Variants in OSBPL10 observed in about 807,000 individuals in gnomAD.
The protein encoded by OSBPL10 is oxysterol binding protein like 10.
In OSBPL10, 49 loss-of-function variants were observed where a neutral mutation model predicts 81.7. That is an observed-to-expected ratio of 0.60 (90% confidence interval 0.48 to 0.76). The LOEUF (loss-of-function observed/expected upper bound fraction) is 0.76, where lower values mean the gene tolerates loss of function less well. Among genes scored for constraint, OSBPL10 ranks in the 30% least tolerant of loss-of-function variants. The probability of loss-of-function intolerance (pLI) is 0.00; values close to 1 mark genes in which losing one functional copy is unlikely to be tolerated. For synonymous variants in OSBPL10, 419 were observed against 383.6 expected (o/e 1.09, Z -1.08); for missense variants, 923 against 987.8 (o/e 0.93, Z 0.88).
intron 3 of OSBPL10, among the ~76,000 whole-genome samples, chr3:31,840,089 G>A (rs1042671925): frequency 5.3e-5 from 8 of 151,304 alleles, no homozygotes; most frequent in Non-Finnish European, 1.2e-4. Context: ...ACGTCTCATT[G>A]TAATCGACCC....
At chr3:31,683,555 A>C in intron 8 of OSBPL10, 79 bp downstream of exon 8, 1 of 1,520,970 alleles carries the variant, frequency 6.6e-7, no homozygotes, top group South Asian at 1.3e-5. Flanking sequence ...AAAACTCCAC[A>C]CACAAAATTA....
chr3:32,044,508 A>T (rs1402002567), intron 2 of OSBPL10, among the ~76,000 whole-genome samples: 1 of 151,334 alleles, frequency 6.6e-6, no homozygotes, highest in African/African-American at 2.4e-5. Flanking sequence ...TTGGGAGGCC[A>T]AGGCGGGCAG....
At chr3:32,060,991 C>T (rs62244429) in intron 1 of OSBPL10, among the ~76,000 whole-genome samples, 46,188 of 79,188 alleles carry the variant, frequency 0.58, 19,584 homozygotes, top group East Asian at 0.84. Flanking sequence ...AAAAAAAAAC[C>T]CTCAGAGGAC....
At chr3:31,921,295 T>C (rs1344217099) in intron 1 of OSBPL10, among the ~76,000 whole-genome samples, 2 of 152,202 alleles carry the variant, frequency 1.3e-5, no homozygotes, top group Non-Finnish European at 2.9e-5. Context: ...TGGCAACAAG[T>C]ATACCTAGTG....
At chr3:31,845,356 A>G (rs1700602889) in intron 3 of OSBPL10, among the ~76,000 whole-genome samples, 1 of 152,052 alleles carries the variant, frequency 6.6e-6, no homozygotes, top group Non-Finnish European at 1.5e-5. Flanking sequence ...CTGGACAAAA[A>G]CTGAGAGATA....
At chr3:31,787,010 T>C (rs1052524791) in intron 4 of OSBPL10, among the ~76,000 whole-genome samples, 1 of 152,190 alleles carries the variant, frequency 6.6e-6, no homozygotes, top group Non-Finnish European at 1.5e-5. Flanking sequence ...GAACATTATC[T>C]GTTTGCCAGG....
In OSBPL10 at chr3:31,799,858, A is replaced by C. The variant is rs139362945; in HGVS notation, c.729+30182T>G. Among the ~76,000 whole-genome samples the C allele has an allele frequency of 7.5e-3, 1,140 of 152,254 alleles. 8 individuals are homozygous for C. Among genetic ancestry groups the C allele is most frequent in the Non-Finnish European group, 0.011 (760 of 68,008 alleles). On this transcript the variant is annotated intron_variant, in intron 4 of 11. Transcript: ENST00000396556. ...TCCTGAGCTGGGACTACAGGCGCCC[A>C]CCACCATACCCGGCTAATTTTTGTA...
intron 4 of OSBPL10, among the ~76,000 whole-genome samples, chr3:31,823,766 A>G (rs1470297303): frequency 1.3e-5 from 2 of 152,170 alleles, no homozygotes; most frequent in Non-Finnish European, 2.9e-5. Flanking sequence ...GTTATATTAC[A>G]GCACATCTCC....
intron 6 of OSBPL10, among the ~76,000 whole-genome samples, chr3:31,729,696 G>A (rs923560270): frequency 4.6e-5 from 7 of 152,306 alleles, no homozygotes; most frequent in South Asian, 4.1e-4. Flanking sequence ...TGGGATTACC[G>A]GCATGAGCCA....
At position 31,714,253 on chromosome 3, in the gene OSBPL10, G is replaced by A. The variant is rs184319371; in HGVS notation, c.1096-11745C>T. Reference sequence around the variant, plus strand: ...ATACACGTAAGGCTCTGTGTTAGGCGCAGAGGAGGATTACAATCAGTGCAG... The same window carrying A: ...ATACACGTAAGGCTCTGTGTTAGGCACAGAGGAGGATTACAATCAGTGCAG... On this transcript the variant is annotated intron_variant, in intron 6 of 11. Transcript: ENST00000396556. Among the ~76,000 whole-genome samples, 22 of 152,320 alleles carry A rather than the reference G, an allele frequency of 1.4e-4. No individual in the cohort carries two copies. In the East Asian group the frequency reaches 1.9e-3, roughly 13 times the overall value.
At chr3:32,024,432 A>T (rs1699384741) in intron 2 of OSBPL10, among the ~76,000 whole-genome samples, 1 of 142,442 alleles carries the variant, frequency 7.0e-6, no homozygotes, top group African/African-American at 2.6e-5. Context: ...ACTTTTGATC[A>T]TTTTTTCCTA....
At chr3:32,016,644 C>T (rs890075986) in intron 2 of OSBPL10, among the ~76,000 whole-genome samples, 3 of 152,050 alleles carry the variant, frequency 2.0e-5, no homozygotes, top group African/African-American at 7.2e-5. Flanking sequence ...AGCTTTATAT[C>T]GATGTTCTCT....
chr3:32,051,697 G>A (rs1442998622), intron 1 of OSBPL10, among the ~76,000 whole-genome samples: 1 of 152,006 alleles, frequency 6.6e-6, no homozygotes, highest in African/African-American at 2.4e-5. Flanking sequence ...TTCTTGAATG[G>A]TTCCACCCTG....
intron 1 of OSBPL10, among the ~76,000 whole-genome samples, chr3:31,915,832 G>A (rs1164468042): frequency 6.6e-6 from 1 of 152,070 alleles, no homozygotes; most frequent in African/African-American, 2.4e-5. Context: ...GGTAGCTCAC[G>A]CCTGTAATCC....
At chr3:31,792,685 T>G (rs564138897) in intron 4 of OSBPL10, among the ~76,000 whole-genome samples, 1 of 149,854 alleles carries the variant, frequency 6.7e-6, no homozygotes, top group East Asian at 2.0e-4. Context: ...ACAGTTGGTG[T>G]TGTGGGGGTG....
intron 1 of OSBPL10, among the ~76,000 whole-genome samples, chr3:31,881,257 T>C (rs1484557821): frequency 1.3e-5 from 2 of 152,140 alleles, no homozygotes; most frequent in African/African-American, 4.8e-5. Context: ...TGATAGTTCA[T>C]TGCTACTCAG....
intron 5 of OSBPL10, among the ~76,000 whole-genome samples, chr3:31,740,618 T>G (rs1214675182): frequency 2.6e-5 from 4 of 151,706 alleles, no homozygotes; most frequent in Admixed American, 2.6e-4. Context: ...AGAATGCTTA[T>G]GAAGCTGGGT....
At chr3:31,930,013 A>AAAAAC in intron 1 of OSBPL10, among the ~76,000 whole-genome samples, 1 of 150,404 alleles carries the variant, frequency 6.6e-6, no homozygotes, top group Non-Finnish European at 1.5e-5. Flanking sequence ...CAAAAAAAAA[A>AAAAAC]AAAAAAAAAA....
chr3:32,064,943 C>T lies in OSBPL10; in HGVS notation n.185+12453G>A, dbSNP rs182099753. 2 of 93,366 alleles carry T rather than the reference C, an allele frequency of 2.1e-5. 1 individual carries two copies. The highest frequency in any genetic ancestry group is 2.6e-4 in the Admixed American group (2 of 7,708). 5.8% of individuals were successfully genotyped at this position (93,366 alleles called of 1,614,324 possible). On this transcript the variant is annotated intron_variant and non_coding_transcript_variant, in intron 1 of 3. Coordinates refer to the OSBPL10 transcript ENST00000479173. The stretch of plus-strand genomic sequence containing the variant: ...TTCTTAGGTAAAACATGACTATTTG[C>T]AGATTTCTGAAAATCAGTGCTCGAA...
Sources: allele counts gnomAD v4.1 joint callset (sites outside exome capture counted in the v4.1 genomes callset), GRCh38; gene constraint gnomAD v4.1.1; transcripts MANE v1.5; gene names NCBI Gene and HGNC (gene_info 2026-07-23, HGNC 2026-07-21).